The following BCL9 variants were observed in gnomAD, a reference collection of about 807,000 sequenced individuals.
The protein encoded by BCL9 is B-cell CLL/lymphoma 9 protein.
In BCL9, 25 loss-of-function variants were observed where a neutral mutation model predicts 88.5. The observed-to-expected ratio is 0.28, with a 90% CI of 0.21 to 0.39. The LOEUF (loss-of-function observed/expected upper bound fraction) is 0.39. BCL9 is among the 10% of genes least tolerant of loss of function. BCL9 has a pLI of 1.00. For synonymous variants in BCL9, 711 were observed against 673.3 expected (o/e 1.06, Z -0.87); for missense variants, 1,817 against 1,877.8 (o/e 0.97, Z 0.60).
intron 1 of BCL9, among the ~76,000 whole-genome samples, chr1:147,564,580 C>A (rs1382156606): frequency 1.3e-5 from 2 of 152,278 alleles, no homozygotes; most frequent in South Asian, 4.1e-4. Context: ...TATTTCTTCT[C>A]TTCTACATCC....
chr1:147,568,190 G>A (rs1553196936), intron 1 of BCL9, among the ~76,000 whole-genome samples: 3 of 152,182 alleles, frequency 2.0e-5, no homozygotes, highest in African/African-American at 7.2e-5. Context: ...TCTCCCAATA[G>A]GCTGTCATAG....
At chr1:147,571,172 G>T (rs985003853) in intron 1 of BCL9, among the ~76,000 whole-genome samples, 1 of 152,050 alleles carries the variant, frequency 6.6e-6, no homozygotes, top group Non-Finnish European at 1.5e-5. Flanking sequence ...GTGTGTGATC[G>T]GTTGTGGCAT....
Position 147,620,274 on chromosome 1 carries a change from C to A in BCL9, c.2119C>A (p.Leu707Ile), listed in dbSNP as rs782577076. The A allele has an allele frequency of 6.2e-7, 1 of 1,614,060 alleles. No homozygotes were observed. Among genetic ancestry groups the A allele is most frequent in the African/African-American group, 1.3e-5 (1 of 74,930 alleles). The change falls in exon 8 of 10, where the codon CTT becomes ATT. Residue 707 changes from leucine (L) to isoleucine (I), a missense_variant. Leu to Ile is a conservative substitution (Grantham distance 5). Around this residue, in one of 2 missense-constraint regions of BCL9, gnomAD observed 1,228 missense variants for 1,191.6 expected, o/e 1.03. Transcript: ENST00000234739. Reference sequence around the variant, plus strand: ...CCCACAGATGGGCCCTGGTCGGGAACTTGAGTTTGGGATGGTTCCTAGTGG... The same window carrying A: ...CCCACAGATGGGCCCTGGTCGGGAAATTGAGTTTGGGATGGTTCCTAGTGG... ...IPPQMGPGRE[L>I]EFGMVPSGMK...
At chr1:147,577,905 A>G (rs1274288467) in intron 1 of BCL9, among the ~76,000 whole-genome samples, 1 of 151,064 alleles carries the variant, frequency 6.6e-6, no homozygotes, top group Non-Finnish European at 1.5e-5. Flanking sequence ...CTCTGAATGA[A>G]TGTGGCTATA....
chr1:147,548,993 T>TTTC (rs1654754450), intron 1 of BCL9, among the ~76,000 whole-genome samples: 3 of 149,622 alleles, frequency 2.0e-5, no homozygotes, highest in Non-Finnish European at 4.4e-5. Context: ...TTTTTTTTTT[T>TTTC]TTTGACTGAG....
At chr1:147,543,271 G>GTT (rs1287592036) in intron 1 of BCL9, among the ~76,000 whole-genome samples, 4 of 152,102 alleles carry the variant, frequency 2.6e-5, no homozygotes, top group African/African-American at 9.7e-5. Flanking sequence ...CTAATTCTAG[G>GTT]TTTTCTGTGA....
At position 147,591,426 on chromosome 1, in the gene BCL9, C is replaced by T. The variant is rs1304641246; in HGVS notation, c.-477-13351C>T. On this transcript the variant is annotated intron_variant, in intron 1 of 9. Coordinates refer to ENST00000234739, the MANE Select transcript of BCL9 (RefSeq NM_004326.4). ...AATCTCAGCTCCACCACTCTCTAGA[C>T]ACATGACTCAGCACAGTTACCTTAC... Among the ~76,000 whole-genome samples the T allele has an allele frequency of 2.6e-5, 4 of 152,196 alleles. No individual in the cohort carries two copies. The East Asian group carries it at 7.7e-4, about 29-fold the overall frequency.
At chr1:147,546,108 G>T (rs587694429) in intron 1 of BCL9, among the ~76,000 whole-genome samples, 38 of 152,146 alleles carry the variant, frequency 2.5e-4, no homozygotes, top group African/African-American at 8.7e-4. Context: ...AGGCCGAGGC[G>T]GGCGGATCAC....
At chr1:147,601,933 C>T (rs1657412320) in intron 1 of BCL9, among the ~76,000 whole-genome samples, 1 of 152,222 alleles carries the variant, frequency 6.6e-6, no homozygotes, top group Admixed American at 6.5e-5. Context: ...CGGAGTCTCG[C>T]TCTGTTGCCC....
chr1:147,566,007 T>A (rs1655578579), intron 1 of BCL9, among the ~76,000 whole-genome samples: 1 of 152,198 alleles, frequency 6.6e-6, no homozygotes, highest in Non-Finnish European at 1.5e-5. Context: ...CTTACAATTA[T>A]TTTCCCATTG....
chr1:147,603,902 CAAA>C (rs1657524509), intron 1 of BCL9, among the ~76,000 whole-genome samples: 1 of 151,804 alleles, frequency 6.6e-6, no homozygotes, highest in African/African-American at 2.4e-5. Flanking sequence ...TTTAAATGCA[CAAA>C]ATAAAATACA....
chr1:147,622,155 A>T lies in BCL9; in HGVS notation c.2903-116A>T, dbSNP rs372973503. ...TGATTTGTGTCTGGGATCTAATAAC[A>T]CTGTCCTGTTCATCTGTCTCATTCC... On this transcript the variant is annotated intron_variant, in intron 8 of 9. Coordinates refer to ENST00000234739, the MANE Select transcript of BCL9 (RefSeq NM_004326.4). 990 of 1,380,322 alleles carry T rather than the reference A, an allele frequency of 7.2e-4. 10 individuals are homozygous for T. In the South Asian group the frequency reaches 0.012, roughly 17 times the overall value. The allele number at this position is 1,380,322 out of a possible 1,614,324, so 85.5% of individuals were successfully genotyped here. A position where few individuals can be genotyped will look rare whatever the true frequency, so the allele number is the denominator to read the frequency against.
rs1658930918 is a variant in BCL9 at position 147,625,993 on chromosome 1, C to T, written c.*1034C>T. 4.4e-6 allele frequency: 1 copy of T among 229,510 alleles called. No homozygotes were observed. Among genetic ancestry groups the T allele is most frequent in the Non-Finnish European group, 8.6e-6 (1 of 116,194 alleles). 14.2% of individuals were successfully genotyped at this position (229,510 alleles called of 1,614,324 possible). On this transcript the variant is annotated 3_prime_UTR_variant, in exon 10 of 10. Transcript: ENST00000234739. The stretch of plus-strand genomic sequence containing the variant: ...CCCTGCCCACCTTGTTTTCTGTTCT[C>T]CTTTTATTAGGAATTCCCAAGTGAA...
chr1:147,589,009 G>A (rs1267263043), intron 1 of BCL9, among the ~76,000 whole-genome samples: 5 of 152,178 alleles, frequency 3.3e-5, no homozygotes, highest in African/African-American at 1.2e-4. Flanking sequence ...CTCAGTGGAT[G>A]CATGCTTGGA....
At chr1:147,581,347 C>T (rs1169193701) in intron 1 of BCL9, among the ~76,000 whole-genome samples, 1 of 152,196 alleles carries the variant, frequency 6.6e-6, no homozygotes, top group Non-Finnish European at 1.5e-5. Flanking sequence ...AATAGCTGAA[C>T]TCCGCTTAAG....
At chr1:147,608,394 G>C (rs1235568732) in intron 3 of BCL9, among the ~76,000 whole-genome samples, 1 of 137,150 alleles carries the variant, frequency 7.3e-6, no homozygotes, top group Non-Finnish European at 1.5e-5. Context: ...TGATTGGAAA[G>C]ATCCAACAGA....
At chr1:147,566,137 G>C (rs587678520) in intron 1 of BCL9, among the ~76,000 whole-genome samples, 1 of 152,160 alleles carries the variant, frequency 6.6e-6, no homozygotes, top group Non-Finnish European at 1.5e-5. Context: ...CAAGACAGAG[G>C]AGCTGGTTGC....
intron 1 of BCL9, among the ~76,000 whole-genome samples, chr1:147,574,083 C>G (rs1656007029): frequency 1.3e-5 from 2 of 152,136 alleles, no homozygotes; most frequent in African/African-American, 4.8e-5. Context: ...TTGTTATTAT[C>G]CCTACTCTAG....
At chr1:147,617,529 C>A (rs1401808983) in intron 7 of BCL9, among the ~76,000 whole-genome samples, 5 of 151,712 alleles carry the variant, frequency 3.3e-5, no homozygotes, top group Admixed American at 2.0e-4. Flanking sequence ...GCTGATCTTA[C>A]CCACACAACT....
Sources: gnomAD v4.1 joint callset for allele counts (sites outside exome capture counted in the v4.1 genomes callset) on GRCh38, gnomAD v4.1.1 for gene constraint, gnomAD v4.1.1 regional missense constraint, MANE v1.5 for transcripts, NCBI Gene and HGNC (gene_info 2026-07-23, HGNC 2026-07-21) for gene names.